Variants in TRPM8 observed in about 807,000 individuals in gnomAD.
TRPM8 encodes the protein TRPM8 cationic channel.
In TRPM8, 110 loss-of-function variants were observed where a neutral mutation model predicts 133.7. The ratio of observed to expected loss-of-function variants is 0.82; its 90% CI spans 0.70 to 0.96. TRPM8 has a LOEUF of 0.96. Among genes scored for constraint, TRPM8 ranks in the 40% least tolerant of loss-of-function variants. The pLI, the probability that TRPM8 is intolerant of heterozygous loss-of-function variation, is 0.00. For missense variants in TRPM8, 1,291 were observed against 1,379.5 expected, an observed-to-expected ratio of 0.94 and a Z score of 1.02; for synonymous variants, 535 against 532.3, an observed-to-expected ratio of 1.01 and a Z score of -0.07.
chr2:233,935,994 A>G (rs1325145901), intron 3 of TRPM8, among the ~76,000 whole-genome samples: 1 of 152,004 alleles, frequency 6.6e-6, no homozygotes, highest in Non-Finnish European at 1.5e-5. Flanking sequence ...GCCCTCATTA[A>G]TCATTGATTT....
In TRPM8 at chr2:233,983,194, A is replaced by G. The variant is rs1307042265; in HGVS notation, c.2731A>G (p.Met911Val). 1.2e-6 allele frequency: 2 copies of G among 1,614,078 alleles called. No homozygotes were observed. The highest frequency in any genetic ancestry group is 1.1e-5 in the South Asian group (1 of 91,088). Reference protein sequence around the residue: ...RSVIYEPYLAMFGQVPSDVDG... With the variant: ...RSVIYEPYLAVFGQVPSDVDG... ...GGTCATCTACGAGCCCTACCTGGCC[A>G]TGTTCGGCCAGGTGCCCAGTGACGT... Residue 911 changes from methionine to valine, a missense_variant, in exon 20 of 26, where the codon ATG becomes GTG. By Grantham distance (21) the Met-to-Val change is conservative. Around this residue, in one of 2 missense-constraint regions of TRPM8, gnomAD observed 328 missense variants for 410.6 expected, o/e 0.80. Coordinates refer to ENST00000324695, the MANE Select transcript of TRPM8 (RefSeq NM_024080.5).
At chr2:233,953,817 C>G (rs989816426) in intron 9 of TRPM8, 100 bp from the exon 10 acceptor site, 1 of 782,378 alleles carries the variant, frequency 1.3e-6, no homozygotes, top group Non-Finnish European at 2.1e-6. Flanking sequence ...AACTCCACTA[C>G]AGGTGGTCTT....
At position 233,950,165 on chromosome 2, in the gene TRPM8, G is replaced by A; in HGVS notation, c.1140+19G>A. On this transcript the variant is annotated intron_variant, in intron 9 of 25. Coordinates refer to ENST00000324695, the MANE Select transcript of TRPM8 (RefSeq NM_024080.5). Reference sequence around the variant, plus strand: ...CAAATGGGTAAGTTGTCGGGACCATGTCTGAGGGCTGAGAAAATAAGACAA... The same window carrying A: ...CAAATGGGTAAGTTGTCGGGACCATATCTGAGGGCTGAGAAAATAAGACAA... The A allele has an allele frequency of 6.2e-7, 1 of 1,606,406 alleles. No homozygotes were observed. The highest frequency in any genetic ancestry group is 8.5e-7 in the Non-Finnish European group (1 of 1,176,624).
At chr2:233,951,285 C>T (rs569441093) in intron 9 of TRPM8, among the ~76,000 whole-genome samples, 123 of 152,232 alleles carry the variant, frequency 8.1e-4, no homozygotes, top group Admixed American at 9.8e-4. Flanking sequence ...CCTTTTCCAA[C>T]GTATACATAT....
intron 21 of TRPM8, among the ~76,000 whole-genome samples, chr2:233,992,673 C>G (rs941609953): frequency 6.6e-6 from 1 of 152,136 alleles, no homozygotes; most frequent in African/African-American, 2.4e-5. Context: ...GACAGGACGC[C>G]AAGGGCACAA....
intron 17 of TRPM8, among the ~76,000 whole-genome samples, chr2:233,977,436 G>A (rs28902199): frequency 0.014 from 2,086 of 152,118 alleles, 56 homozygotes; most frequent in African/African-American, 0.047. Flanking sequence ...ACCTATTTCC[G>A]ACGTCGCTCT....
intron 17 of TRPM8, 160 bp from the exon 18 acceptor site, chr2:233,980,028 G>A (rs534145407): frequency 1.3e-5 from 8 of 629,622 alleles, no homozygotes; most frequent in East Asian, 9.0e-5. Flanking sequence ...CTGGATTAGC[G>A]TGGGGCACGT....
chr2:233,985,633 C>T lies in TRPM8; in HGVS notation c.2762-55C>T, dbSNP rs113689187. 7.8e-4 allele frequency: 1,199 copies of T among 1,538,100 alleles called. 4 individuals are homozygous for T. In the African/African-American group the frequency reaches 0.012, roughly 15 times the overall value. ...GTTCTTGTGGCCCTGGGAATGCCAT[C>T]GCTCTCACCCCTCCAGAGGGTCCTC... On this transcript the variant is annotated intron_variant, in intron 20 of 25. Transcript: ENST00000324695.
chr2:233,921,271 T>C (rs1691401025), intron 1 of TRPM8, among the ~76,000 whole-genome samples: 1 of 152,172 alleles, frequency 6.6e-6, no homozygotes, highest in Admixed American at 6.5e-5. Flanking sequence ...TTGGAACTGT[T>C]CCATCACTAG....
rs562748173 is a variant in TRPM8 at position 233,964,823 on chromosome 2, G to A, written c.1879+66G>A. 14 of 1,503,590 alleles carry A rather than the reference G, an allele frequency of 9.3e-6. No homozygotes were observed. In the African/African-American group the frequency reaches 1.2e-4, roughly 13 times the overall value. The allele number at this position is 1,503,590 out of a possible 1,614,324, so 93.1% of individuals were successfully genotyped here. The stretch of plus-strand genomic sequence containing the variant: ...GCCATGTGGCACAGACATTGCCAGC[G>A]GCACTCATAGACCAGATGGTGGAGG... On this transcript the variant is annotated intron_variant, in intron 14 of 25. Coordinates refer to ENST00000324695, the MANE Select transcript of TRPM8 (RefSeq NM_024080.5).
chr2:234,013,182 C>G (rs975393508), intron 24 of TRPM8: 3 of 152,158 alleles, frequency 2.0e-5, no homozygotes, highest in Non-Finnish European at 4.4e-5. Context: ...TTGGAAGAGT[C>G]TAAGGTTTGG....
At chr2:233,926,011 C>T (rs537408387) in intron 1 of TRPM8, among the ~76,000 whole-genome samples, 1 of 152,232 alleles carries the variant, frequency 6.6e-6, no homozygotes, top group Admixed American at 6.5e-5. Flanking sequence ...CTCAGGATGA[C>T]CTGGGACAGA....
chr2:233,960,996 T>C lies in TRPM8; in HGVS notation c.1583T>C (p.Val528Ala). 4 of 1,614,154 alleles carry C rather than the reference T, an allele frequency of 2.5e-6. No individual in the cohort carries two copies. The highest frequency in any genetic ancestry group is 1.3e-5 in the African/African-American group (1 of 75,022). The change falls in exon 12 of 26, where the codon GTT becomes GCT. Residue 528 changes from valine (V) to alanine (A), a missense_variant. By Grantham distance (64) the Val-to-Ala change is moderately conservative. This residue lies in a region of TRPM8 where 963 missense variants were observed against 968.9 expected (regional missense o/e 0.99). Coordinates refer to ENST00000324695, the MANE Select transcript of TRPM8 (RefSeq NM_024080.5). The part of the protein sequence containing the change: ...DALLTFVWKL[V>A]ANFRRGFRKE... ...CTCCTCACGTTTGTCTGGAAACTGG[T>C]TGCGAACTTCCGAAGAGGCTTCCGG... is the stretch of plus-strand genomic sequence containing the variant.
At chr2:233,921,004 C>T (rs1414340839) in intron 1 of TRPM8, among the ~76,000 whole-genome samples, 3 of 151,858 alleles carry the variant, frequency 2.0e-5, no homozygotes. Flanking sequence ...TTACAGGTGC[C>T]CTTCACCATG....
chr2:233,931,754 C>T (rs373572732), intron 3 of TRPM8, among the ~76,000 whole-genome samples: 38 of 152,196 alleles, frequency 2.5e-4, no homozygotes, highest in African/African-American at 8.4e-4. Flanking sequence ...AGATCTCTGC[C>T]TTGTCACTGG....
At chr2:233,920,980 C>T (rs1691394254) in intron 1 of TRPM8, among the ~76,000 whole-genome samples, 1 of 151,962 alleles carries the variant, frequency 6.6e-6, no homozygotes, top group Non-Finnish European at 1.5e-5. Flanking sequence ...CCTCAACCTC[C>T]TGAGCAGCTG....
At chr2:233,978,639 G>A (rs1691929798) in intron 17 of TRPM8, among the ~76,000 whole-genome samples, 1 of 152,086 alleles carries the variant, frequency 6.6e-6, no homozygotes, top group Non-Finnish European at 1.5e-5. Context: ...CATGATTGTA[G>A]TATATTCAAT....
chr2:233,993,561 C>T (rs1692333768), intron 21 of TRPM8, among the ~76,000 whole-genome samples: 1 of 152,204 alleles, frequency 6.6e-6, no homozygotes. Context: ...AGCTCATGGA[C>T]TGTACAAAAA....
intron 21 of TRPM8, among the ~76,000 whole-genome samples, chr2:233,987,715 T>G (rs925521768): frequency 6.6e-6 from 1 of 152,220 alleles, no homozygotes; most frequent in South Asian, 2.1e-4. Flanking sequence ...GAATGGTAGC[T>G]CCCATAATTC....
Sources: gnomAD v4.1 joint callset for allele counts (sites outside exome capture counted in the v4.1 genomes callset) on GRCh38, gnomAD v4.1.1 for gene constraint, gnomAD v4.1.1 regional missense constraint, MANE v1.5 for transcripts, NCBI Gene and HGNC (gene_info 2026-07-23, HGNC 2026-07-21) for gene names.